FRYL: variants seen among roughly 807,000 people sequenced by gnomAD.
FRYL encodes the protein FRY like transcription coactivator, also known as protein furry homolog-like.
In FRYL, 150 loss-of-function variants were observed where a neutral mutation model predicts 351.2. The ratio of observed to expected loss-of-function variants is 0.43; its 90% CI spans 0.37 to 0.49. The LOEUF (loss-of-function observed/expected upper bound fraction) is 0.49. Ranked by LOEUF, FRYL falls within the 20% of genes least tolerant of loss-of-function variation. FRYL has a pLI of 0.00. For missense variants in FRYL, 3,036 were observed against 3,619.3 expected (o/e 0.84, Z 4.13); for synonymous variants, 1,153 against 1,257.1 (o/e 0.92, Z 1.75).
chr4:48,776,723 C>T (rs1345967451), intron 1 of FRYL, among the ~76,000 whole-genome samples: 1 of 152,124 alleles, frequency 6.6e-6, no homozygotes, highest in Non-Finnish European at 1.5e-5. Flanking sequence ...CACTATGTAA[C>T]AATAGTTGAA....
At chr4:48,570,965 C>T in intron 26 of FRYL, 47 bp from the exon 27 acceptor site, 1 of 1,459,784 alleles carries the variant, frequency 6.9e-7, no homozygotes, top group Non-Finnish European at 9.6e-7. Flanking sequence ...GCTGGTGTAA[C>T]TTGGAAAGAA....
chr4:48,624,169 G>C (rs1179166972), intron 4 of FRYL, among the ~76,000 whole-genome samples: 2 of 152,264 alleles, frequency 1.3e-5, no homozygotes, highest in Non-Finnish European at 2.9e-5. Context: ...CTGATATCAG[G>C]AGAGGGTTCT....
chr4:48,717,022 AC>A (rs935739453), intron 1 of FRYL, among the ~76,000 whole-genome samples: 2 of 150,094 alleles, frequency 1.3e-5, no homozygotes, highest in African/African-American at 4.9e-5. Context: ...TATCGCAAGA[AC>A]AAAAAACCAA....
At position 48,548,851 on chromosome 4, in the gene FRYL, A is replaced by G. The variant is rs185069612; in HGVS notation, c.4785-58T>C. ...CTAGATCTCAGTAAACCTAGAGAGA[A>G]TTTGGTACAAAATTACTTGAAGACT... On this transcript the variant is annotated intron_variant, in intron 39 of 63. Transcript: ENST00000358350. 71 of 987,656 alleles carry G rather than the reference A, an allele frequency of 7.2e-5. No homozygotes were observed. In the East Asian group the frequency reaches 1.7e-3, roughly 23 times the overall value. 61.2% of individuals were successfully genotyped at this position (987,656 alleles called of 1,614,324 possible).
chr4:48,719,509 T>C (rs1012260248), intron 1 of FRYL, among the ~76,000 whole-genome samples: 2 of 151,668 alleles, frequency 1.3e-5, no homozygotes, highest in Non-Finnish European at 2.9e-5. Flanking sequence ...CTTAGAATAA[T>C]TGCTGGTAGA....
intron 3 of FRYL, among the ~76,000 whole-genome samples, chr4:48,664,163 G>A (rs1355937273): frequency 6.6e-6 from 1 of 152,202 alleles, no homozygotes; most frequent in African/African-American, 2.4e-5. Context: ...TACCTGAAAT[G>A]ATTCTCAGAG....
At chr4:48,756,974 C>T (rs17576077) in intron 1 of FRYL, among the ~76,000 whole-genome samples, 31,815 of 152,060 alleles carry the variant, frequency 0.21, 4,022 homozygotes, top group Middle Eastern at 0.31. Flanking sequence ...CTGATACCTC[C>T]GAAGACATTT....
intron 54 of FRYL, among the ~76,000 whole-genome samples, chr4:48,522,017 C>CCTG (rs1429904865): frequency 6.6e-6 from 1 of 152,140 alleles, no homozygotes; most frequent in East Asian, 1.9e-4. Flanking sequence ...GTGGCTCATG[C>CCTG]CTGTGATCCT....
At chr4:48,773,533 A>G (rs939395746) in intron 1 of FRYL, among the ~76,000 whole-genome samples, 2 of 152,164 alleles carry the variant, frequency 1.3e-5, no homozygotes, top group African/African-American at 4.8e-5. Flanking sequence ...TTATGTTAGT[A>G]TAAGGAAGTG....
At chr4:48,714,304 A>C (rs1317372751) in intron 1 of FRYL, among the ~76,000 whole-genome samples, 1 of 147,332 alleles carries the variant, frequency 6.8e-6, no homozygotes, top group Non-Finnish European at 1.5e-5. Flanking sequence ...AGACACAAAA[A>C]ACCCTTAAAA....
At position 48,590,345 on chromosome 4, in the gene FRYL, G is replaced by A. The variant is rs554707352; in HGVS notation, c.1507+314C>T. Among the ~76,000 whole-genome samples the A allele has an allele frequency of 4.6e-5, 7 of 152,096 alleles. No individual in the cohort carries two copies. The South Asian group carries it at 1.5e-3, about 32-fold the overall frequency. On this transcript the variant is annotated intron_variant, in intron 17 of 63. Coordinates refer to ENST00000358350, the MANE Select transcript of FRYL (RefSeq NM_015030.2). ...CTAAAAATACAAAAATTAGCCAGGT[G>A]TGGTGATGCACGCCTGTGGTCCCAG... is the stretch of plus-strand genomic sequence containing the variant.
chr4:48,679,475 A>C (rs1460946850), intron 3 of FRYL, among the ~76,000 whole-genome samples: 1 of 152,136 alleles, frequency 6.6e-6, no homozygotes, highest in Non-Finnish European at 1.5e-5. Context: ...TTCAAAGGTA[A>C]TCGCATTGTC....
chr4:48,548,863 A>G (rs939291283), intron 39 of FRYL, 70 bp from the exon 40 acceptor site: 1 of 885,748 alleles, frequency 1.1e-6, no homozygotes. Context: ...TTGGTACAAA[A>G]TTACTTGAAG....
At chr4:48,522,285 G>A (rs1725067375) in intron 54 of FRYL, among the ~76,000 whole-genome samples, 1 of 152,012 alleles carries the variant, frequency 6.6e-6, no homozygotes, top group South Asian at 2.1e-4. Context: ...TGTGCCTAAA[G>A]AATAAAAAAA....
intron 1 of FRYL, among the ~76,000 whole-genome samples, chr4:48,728,149 A>G (rs544355211): frequency 3.1e-4 from 47 of 152,354 alleles, no homozygotes; most frequent in Non-Finnish European, 4.1e-4. Flanking sequence ...GAAAAGACAG[A>G]GCAAGCATCG....
intron 16 of FRYL, among the ~76,000 whole-genome samples, chr4:48,593,266 A>C (rs1197301496): frequency 5.3e-5 from 2 of 37,658 alleles, no homozygotes; most frequent in Admixed American, 3.4e-4. Context: ...AAAAAAAAAA[A>C]CAACCAAAAA....
chr4:48,691,408 T>C (rs747601148), intron 2 of FRYL, among the ~76,000 whole-genome samples: 2 of 152,134 alleles, frequency 1.3e-5, no homozygotes, highest in Admixed American at 1.3e-4. Context: ...TAAAAATATA[T>C]TGACTACTTT....
At chr4:48,681,086 C>T in intron 3 of FRYL, 1 of 1,269,436 alleles carries the variant, frequency 7.9e-7, no homozygotes, top group Non-Finnish European at 1.0e-6. Context: ...ACCACATCTC[C>T]CGAAAGAATG....
In FRYL at chr4:48,521,105, C is replaced by T. The variant is rs201717070; in HGVS notation, c.7632G>A (p.Arg2544=). Residue 2544 remains arginine, a synonymous_variant, in exon 55 of 64, where the codon AGG becomes AGA. Coordinates refer to ENST00000358350, the MANE Select transcript of FRYL (RefSeq NM_015030.2). ...AAGCCTCCAAAGTTGGGGTCTCATC[C>T]CTGATTTGAAGCACTTCCTCTGTTG... ...SITTEEVLQI[R]DETPTLEASL... 1.7e-4 allele frequency: 277 copies of T among 1,613,622 alleles called. 1 individual carries two copies. In the Middle Eastern group the frequency reaches 2.3e-3, roughly 13 times the overall value.
Sources: allele counts gnomAD v4.1 joint callset (sites outside exome capture counted in the v4.1 genomes callset), GRCh38; gene constraint gnomAD v4.1.1; transcripts MANE v1.5; gene names NCBI Gene and HGNC (gene_info 2026-07-23, HGNC 2026-07-21).